The following TEK variants were observed in gnomAD, a reference collection of about 807,000 sequenced individuals.
TEK encodes TEK receptor tyrosine kinase.
A neutral mutation model predicts 131.8 loss-of-function variants in TEK; 43 were observed. The ratio of observed to expected loss-of-function variants is 0.33; its 90% CI spans 0.26 to 0.42. The LOEUF is 0.42. Among genes scored for constraint, TEK ranks in the 10% least tolerant of loss-of-function variants. The probability of loss-of-function intolerance (pLI) is 1.00; values close to 1 mark genes in which losing one functional copy is unlikely to be tolerated. For synonymous variants in TEK, 580 were observed against 491.6 expected (o/e 1.18, Z -2.38); for missense variants, 1,162 against 1,384.4 (o/e 0.84, Z 2.55).
intron 6 of TEK, among the ~76,000 whole-genome samples, chr9:27,175,623 A>G (rs940282512): frequency 6.6e-6 from 1 of 151,728 alleles, no homozygotes; most frequent in South Asian, 2.1e-4. Context: ...AAGTGTTCCT[A>G]TTTCTCCACA....
At chr9:27,228,185 T>G in intron 21 of TEK, 21 bp from the exon 22 acceptor site, 1 of 1,585,552 alleles carries the variant, frequency 6.3e-7, no homozygotes, top group Admixed American at 1.7e-5. Context: ...GAATTAACCC[T>G]TTAATTCTTT....
Position 27,185,495 on chromosome 9 carries a change from T to G in TEK, c.1193T>G (p.Phe398Cys). The G allele has an allele frequency of 1.9e-6, 3 of 1,613,752 alleles. No homozygotes were observed. The highest frequency in any genetic ancestry group is 1.7e-6 in the Non-Finnish European group (2 of 1,179,748). Reference sequence around the variant, plus strand: ...ATTTGACCTTTTCAGCCAAAAGACTTTAACCATACGGATCATTTCTCAGTA... The same window carrying G: ...ATTTGACCTTTTCAGCCAAAAGACTGTAACCATACGGATCATTTCTCAGTA... ...PDGTVLHPKD[F>C]NHTDHFSVAI... Residue 398 changes from phenylalanine (F) to cysteine (C), a missense_variant, in exon 9 of 23, where the codon TTT (phenylalanine) becomes TGT (cysteine). Transcript: ENST00000380036.
intron 6 of TEK, among the ~76,000 whole-genome samples, chr9:27,174,434 T>A (rs1347491005): frequency 6.6e-6 from 1 of 152,204 alleles, no homozygotes; most frequent in East Asian, 1.9e-4. Flanking sequence ...ATAGGTGAAA[T>A]AATTTTGATC....
At chr9:27,214,441 C>T (rs985156371) in intron 18 of TEK, among the ~76,000 whole-genome samples, 21 of 152,310 alleles carry the variant, frequency 1.4e-4, no homozygotes, top group African/African-American at 4.8e-4. Flanking sequence ...GGGATGGCTC[C>T]AGTTGTCATA....
At chr9:27,153,281 T>C (rs568453450) in intron 1 of TEK, among the ~76,000 whole-genome samples, 17 of 147,994 alleles carry the variant, frequency 1.1e-4, no homozygotes, top group African/African-American at 4.0e-4. Flanking sequence ...ACCCCGCCTC[T>C]ACTAAAAATA....
Position 27,168,605 on chromosome 9 carries a change from G to A in TEK, c.475G>A (p.Gly159Ser). The A allele has an allele frequency of 2.5e-6, 4 of 1,592,634 alleles. No individual in the cohort carries two copies. The highest frequency in any genetic ancestry group is 2.2e-5 in the East Asian group (1 of 44,704). The change falls in exon 3 of 23, where the codon GGT (glycine) becomes AGT (serine). Residue 159 changes from glycine to serine, a missense_variant and splice_region_variant. Gly to Ser is a moderately conservative substitution (Grantham distance 56, BLOSUM62 0). Coordinates refer to ENST00000380036, the MANE Select transcript of TEK (RefSeq NM_000459.5). ...AGAAGATGCAGTGATTTACAAAAAT[G>A]GTGAGTATGTGTTTCATTGCTTTCC... ...KEEDAVIYKN[G>S]SFIHSVPRHE...
At position 27,202,609 on chromosome 9, in the gene TEK, A is replaced by T. The variant is rs7048881; in HGVS notation, c.1910-211A>T. On this transcript the variant is annotated intron_variant, in intron 12 of 22. Transcript: ENST00000380036. ...AAGGCCTTCATTTAGTGTCAAGATG[A>T]CAGATAGATGATATGTGTTGCCATT... Among the ~76,000 whole-genome samples the T allele has an allele frequency of 6.0e-3, 919 of 152,306 alleles. 7 individuals carry two copies. The highest frequency in any genetic ancestry group is 0.021 in the African/African-American group (878 of 41,574).
intron 1 of TEK, among the ~76,000 whole-genome samples, chr9:27,127,713 A>G (rs1822043636): frequency 6.6e-6 from 1 of 152,140 alleles, no homozygotes. Flanking sequence ...TTTGATTTGC[A>G]TTTCTCTAAT....
chr9:27,143,152 C>A (rs1352956963), intron 1 of TEK, among the ~76,000 whole-genome samples: 1 of 152,148 alleles, frequency 6.6e-6, no homozygotes, highest in South Asian at 2.1e-4. Flanking sequence ...TATCTGTGTG[C>A]GTTGCTTGAA....
chr9:27,185,338 A>C, intron 8 of TEK, 147 bp from the exon 9 acceptor site: 1 of 1,009,620 alleles, frequency 9.9e-7, no homozygotes, highest in Non-Finnish European at 1.5e-6. Flanking sequence ...CTTTGGAAAT[A>C]AGCCAATAAT....
Position 27,229,228 on chromosome 9 carries a change from C to A in TEK, c.3371C>A (p.Ala1124Asp), listed in dbSNP as rs775859042. The A allele has an allele frequency of 1.9e-6, 3 of 1,613,728 alleles. No homozygotes were observed. In the Admixed American group the frequency reaches 5.0e-5, roughly 27 times the overall value. Reference sequence around the variant, plus strand: ...ATTGACTGTTCTGCTGAAGAAGCGGCCTAGGACAGAACATCTGTATACCCT... The same window carrying A: ...ATTGACTGTTCTGCTGAAGAAGCGGACTAGGACAGAACATCTGTATACCCT... ...AGIDCSAEEA[A>D] Residue 1124 changes from alanine to aspartate, a missense_variant, in exon 23 of 23, where the codon GCC becomes GAC. Physicochemically the swap from Ala to Asp is moderately radical, Grantham distance 126 (BLOSUM62 -2). Coordinates refer to ENST00000380036, the MANE Select transcript of TEK (RefSeq NM_000459.5).
chr9:27,142,138 T>C (rs540744794), intron 1 of TEK, among the ~76,000 whole-genome samples: 89 of 151,802 alleles, frequency 5.9e-4, no homozygotes, highest in Non-Finnish European at 1.1e-3. Context: ...AGAATGAGGA[T>C]ATGAAAAGGA....
chr9:27,175,800 C>G (rs79913093), intron 6 of TEK, among the ~76,000 whole-genome samples: 1 of 152,118 alleles, frequency 6.6e-6, no homozygotes, highest in South Asian at 2.1e-4. Flanking sequence ...AGAGAAGTGT[C>G]TCTTCATATC....
At chr9:27,195,877 G>A (rs537410538) in intron 11 of TEK, among the ~76,000 whole-genome samples, 1 of 152,336 alleles carries the variant, frequency 6.6e-6, no homozygotes, top group South Asian at 2.1e-4. Context: ...GCATGTTCCT[G>A]TCTCTCTGAT....
At chr9:27,175,894 T>C (rs1824152841) in intron 6 of TEK, among the ~76,000 whole-genome samples, 1 of 152,188 alleles carries the variant, frequency 6.6e-6, no homozygotes, top group South Asian at 2.1e-4. Context: ...ATTAGCCCTT[T>C]GTCAGATGAG....
At chr9:27,112,474 C>A (rs1821384242) in intron 1 of TEK, among the ~76,000 whole-genome samples, 1 of 152,160 alleles carries the variant, frequency 6.6e-6, no homozygotes, top group South Asian at 2.1e-4. Flanking sequence ...TTTGTTAGGT[C>A]TCAGCATTTC....
intron 11 of TEK, among the ~76,000 whole-genome samples, chr9:27,195,937 C>T (rs1824990620): frequency 2.0e-5 from 3 of 152,168 alleles, no homozygotes; most frequent in Non-Finnish European, 4.4e-5. Context: ...AGCCCAGGCT[C>T]CTGTGGGTGA....
At chr9:27,223,938 G>T (rs1038271188) in intron 21 of TEK, among the ~76,000 whole-genome samples, 2 of 152,190 alleles carry the variant, frequency 1.3e-5, no homozygotes, top group African/African-American at 2.4e-5. Context: ...TATCACCACT[G>T]ATCCCACAGA....
chr9:27,195,056 C>T (rs377121838), intron 11 of TEK, among the ~76,000 whole-genome samples: 11 of 152,176 alleles, frequency 7.2e-5, no homozygotes, highest in African/African-American at 2.2e-4. Context: ...TATCAACTCC[C>T]CATTCTCCTT....
Sources: allele counts gnomAD v4.1 joint callset (sites outside exome capture counted in the v4.1 genomes callset), GRCh38; gene constraint gnomAD v4.1.1; transcripts MANE v1.5; gene names NCBI Gene and HGNC (gene_info 2026-07-23, HGNC 2026-07-21).